The following FAM227B variants were observed in gnomAD, a reference collection of about 807,000 sequenced individuals.
The protein encoded by FAM227B is family with sequence similarity 227 member B.
In FAM227B, 88 loss-of-function variants were observed where a neutral mutation model predicts 73.8. The observed-to-expected ratio is 1.19, with a 90% CI of 1.00 to 1.42. The LOEUF is 1.42. Ranked by LOEUF, FAM227B falls within the 40% of genes most tolerant of loss-of-function variation. The pLI is 0.00. For synonymous variants in FAM227B, 210 were observed against 190.5 expected, an observed-to-expected ratio of 1.10 and a Z score of -0.84; for missense variants, 632 against 590.9, an observed-to-expected ratio of 1.07 and a Z score of -0.72.
chr15:49,533,040 T>C (rs1020628374), intron 10 of FAM227B, among the ~76,000 whole-genome samples: 1 of 151,974 alleles, frequency 6.6e-6, no homozygotes, highest in Non-Finnish European at 1.5e-5. Flanking sequence ...GCTCCATCAA[T>C]GGCACATCCT....
chr15:49,416,772 GAC>G (rs5812484), intron 11 of FAM227B, among the ~76,000 whole-genome samples: 28,799 of 149,796 alleles, frequency 0.19, 4,092 homozygotes, highest in African/African-American at 0.4. Context: ...CACACACATA[GAC>G]ACACACACAC....
At chr15:49,527,062 A>C (rs2060258477) in intron 10 of FAM227B, among the ~76,000 whole-genome samples, 1 of 151,844 alleles carries the variant, frequency 6.6e-6, no homozygotes. Flanking sequence ...CCCAGTACCA[A>C]AATCAGGTAA....
intron 11 of FAM227B, among the ~76,000 whole-genome samples, chr15:49,431,761 T>C (rs1007363815): frequency 1.3e-5 from 2 of 151,802 alleles, no homozygotes; most frequent in Non-Finnish European, 2.9e-5. Context: ...TATTGGATTT[T>C]AAATCTTCTG....
intron 11 of FAM227B, among the ~76,000 whole-genome samples, chr15:49,411,189 G>T (rs2048852882): frequency 6.6e-6 from 1 of 151,812 alleles, no homozygotes; most frequent in East Asian, 1.9e-4. Flanking sequence ...GTAAATATTT[G>T]GTATCACCAG....
At chr15:49,400,807 G>A (rs1417180842) in intron 11 of FAM227B, among the ~76,000 whole-genome samples, 1 of 150,708 alleles carries the variant, frequency 6.6e-6, no homozygotes, top group Non-Finnish European at 1.5e-5. Context: ...TATGCAGAAA[G>A]CTGAAACTTG....
At chr15:49,614,396 G>A (rs1355278016) in intron 2 of FAM227B, among the ~76,000 whole-genome samples, 1 of 152,160 alleles carries the variant, frequency 6.6e-6, no homozygotes. Flanking sequence ...TAAATAACTT[G>A]TAAACATTCA....
At chr15:49,489,803 T>TTATATATATATATATAATA in intron 11 of FAM227B, among the ~76,000 whole-genome samples, 1 of 57,276 alleles carries the variant, frequency 1.7e-5, no homozygotes, top group Non-Finnish European at 3.7e-5. Flanking sequence ...TATATATATT[T>TTATATATATATATATAATA]TATATATATA....
chr15:49,615,235 G>A lies in FAM227B; in HGVS notation c.-64C>T. On this transcript the variant is annotated 5_prime_UTR_variant, in exon 2 of 16. Coordinates refer to ENST00000299338, the MANE Select transcript of FAM227B (RefSeq NM_152647.3). Reference sequence around the variant, plus strand: ...GGTCTTAGGCTTCAATGTGAGTTGGGCGACCAAACTGGGGTATGAAAGACA... The same window carrying A: ...GGTCTTAGGCTTCAATGTGAGTTGGACGACCAAACTGGGGTATGAAAGACA... The A allele has an allele frequency of 6.9e-7, 1 of 1,448,128 alleles. No homozygotes were observed. Among genetic ancestry groups the A allele is most frequent in the Admixed American group, 1.7e-5 (1 of 59,682 alleles). 89.7% of individuals were successfully genotyped at this position (1,448,128 alleles called of 1,614,324 possible).
chr15:49,505,682 TA>T (rs1160915289), intron 11 of FAM227B, among the ~76,000 whole-genome samples: 1 of 151,890 alleles, frequency 6.6e-6, no homozygotes, highest in Non-Finnish European at 1.5e-5. Context: ...ATAGAGGAAT[TA>T]AAATAGAATG....
intron 10 of FAM227B, among the ~76,000 whole-genome samples, chr15:49,531,995 A>T (rs2060644252): frequency 6.6e-6 from 1 of 150,692 alleles, no homozygotes; most frequent in Non-Finnish European, 1.5e-5. Flanking sequence ...CTATATAGCT[A>T]TTTAAGGGAA....
intron 11 of FAM227B, among the ~76,000 whole-genome samples, chr15:49,447,646 A>T (rs1287227910): frequency 1.3e-5 from 2 of 151,724 alleles, no homozygotes; most frequent in Non-Finnish European, 3.0e-5. Context: ...GATAGATTTC[A>T]AAGCTATCTC....
chr15:49,439,179 G>A (rs547900518), intron 11 of FAM227B, among the ~76,000 whole-genome samples: 239 of 151,674 alleles, frequency 1.6e-3, no homozygotes, highest in African/African-American at 5.5e-3. Context: ...CTGTTGGCCG[G>A]CAACTTCCTC....
chr15:49,439,012 G>A (rs2151826720), intron 11 of FAM227B, among the ~76,000 whole-genome samples: 1 of 151,874 alleles, frequency 6.6e-6, no homozygotes, highest in African/African-American at 2.4e-5. Context: ...CAGGAATTTG[G>A]GAGTAGCTTA....
chr15:49,527,945 A>T (rs2060324886), intron 10 of FAM227B, among the ~76,000 whole-genome samples: 1 of 151,864 alleles, frequency 6.6e-6, no homozygotes, highest in Non-Finnish European at 1.5e-5. Flanking sequence ...CAATCTACTG[A>T]TTCAATGCAA....
intron 9 of FAM227B, among the ~76,000 whole-genome samples, chr15:49,549,783 A>T (rs1015507111): frequency 6.6e-6 from 1 of 152,174 alleles, no homozygotes; most frequent in Non-Finnish European, 1.5e-5. Context: ...CCCACTTTCT[A>T]TTCCACAAAA....
chr15:49,611,188 G>A (rs1018519918), intron 3 of FAM227B, 27 bp downstream of exon 3: 5 of 1,378,542 alleles, frequency 3.6e-6, no homozygotes, highest in Non-Finnish European at 5.1e-6. Flanking sequence ...TGATGTAATG[G>A]CACATAAAAT....
chr15:49,489,203 G>A (rs2056667115), intron 11 of FAM227B: 2 of 975,988 alleles, frequency 2.0e-6, no homozygotes, highest in Non-Finnish European at 2.4e-6. Context: ...CATTTTACAG[G>A]CTGCCTGATC....
intron 8 of FAM227B, 199 bp downstream of exon 8, chr15:49,574,812 C>G (rs2075346705): frequency 3.1e-6 from 1 of 325,704 alleles, no homozygotes; most frequent in Non-Finnish European, 5.6e-6. Context: ...GATCCAGAAT[C>G]TTTTGAAATC....
intron 11 of FAM227B, among the ~76,000 whole-genome samples, chr15:49,389,944 T>C (rs907689215): frequency 4.6e-5 from 7 of 152,082 alleles, no homozygotes; most frequent in Non-Finnish European, 8.8e-5. Context: ...CCGTATTTTC[T>C]ATGTCAACAT....
Sources: allele counts gnomAD v4.1 joint callset (sites outside exome capture counted in the v4.1 genomes callset), GRCh38; gene constraint gnomAD v4.1.1; transcripts MANE v1.5; gene names NCBI Gene and HGNC (gene_info 2026-07-23, HGNC 2026-07-21).